The following PAPPA variants were observed in gnomAD, a reference collection of about 807,000 sequenced individuals.
The protein encoded by PAPPA is pappalysin-1.
In PAPPA, 60 loss-of-function variants were observed where a neutral mutation model predicts 164.0. The observed-to-expected ratio is 0.37, with a 90% CI of 0.30 to 0.45. The LOEUF (loss-of-function observed/expected upper bound fraction) is 0.45. Ranked by LOEUF, PAPPA falls within the 20% of genes least tolerant of loss-of-function variation. The probability of loss-of-function intolerance (pLI) is 1.00; values close to 1 mark genes in which losing one functional copy is unlikely to be tolerated. For synonymous variants in PAPPA, 875 were observed against 814.1 expected (o/e 1.07, Z -1.27); for missense variants, 1,782 against 2,087.3 (o/e 0.85, Z 2.85).
In PAPPA at chr9:116,347,531, C is replaced by G. The variant is rs1027322923; in HGVS notation, c.3964+322C>G. On this transcript the variant is annotated intron_variant, in intron 15 of 21. Transcript: ENST00000328252. The surrounding 1 kb of genome is among the most constrained non-coding windows in gnomAD (Gnocchi z 4.5). The stretch of plus-strand genomic sequence containing the variant: ...AAAGAAAAAAAAGTTACATTTGGGA[C>G]TGATGAAACTAATTCACTCTGTATG... Among the ~76,000 whole-genome samples, 1 of 152,128 alleles carries G rather than the reference C, an allele frequency of 6.6e-6. No individual in the cohort carries two copies. The highest frequency in any genetic ancestry group is 2.4e-5 in the African/African-American group (1 of 41,438).
At chr9:116,356,389 G>A (rs1302682458) in intron 17 of PAPPA, among the ~76,000 whole-genome samples, 1 of 152,224 alleles carries the variant, frequency 6.6e-6, no homozygotes, top group East Asian at 1.9e-4. Flanking sequence ...TGCACAACCT[G>A]TGCAATCATA....
chr9:116,321,050 C>T (rs568168446), intron 10 of PAPPA, among the ~76,000 whole-genome samples: 5 of 148,618 alleles, frequency 3.4e-5, no homozygotes, highest in Admixed American at 6.7e-5. Context: ...TTTTTTGAGA[C>T]GGAGTCTCAC....
At chr9:116,302,467 G>T (rs191278206) in intron 9 of PAPPA, among the ~76,000 whole-genome samples, 1 of 151,418 alleles carries the variant, frequency 6.6e-6, no homozygotes, top group South Asian at 2.1e-4. Context: ...TCTATAAGTC[G>T]AATCATGCAG....
At chr9:116,160,585 G>A (rs1253632535) in intron 1 of PAPPA, among the ~76,000 whole-genome samples, 4 of 152,212 alleles carry the variant, frequency 2.6e-5, no homozygotes, top group African/African-American at 9.7e-5. Context: ...ATGAGGAGAA[G>A]AGAAAATCTC....
intron 10 of PAPPA, among the ~76,000 whole-genome samples, chr9:116,321,152 C>T (rs999623360): frequency 1.3e-5 from 2 of 151,982 alleles, no homozygotes; most frequent in South Asian, 2.1e-4. Flanking sequence ...CTCAGCCTCC[C>T]GAGTAGCTGG....
Position 116,398,835 on chromosome 9 carries a change from CA to C in PAPPA, c.*2221del. Reference sequence around the variant, plus strand: ...TATAATTACAAGGACAAATTATTAGCAAGAAATAAGAATAGTATTAGAAGAA... The same window carrying C: ...TATAATTACAAGGACAAATTATTAGCAGAAATAAGAATAGTATTAGAAGAA... On this transcript the variant is annotated 3_prime_UTR_variant, in exon 22 of 22. Coordinates refer to ENST00000328252, the MANE Select transcript of PAPPA (RefSeq NM_002581.5). The C allele has an allele frequency of 2.6e-6, 1 of 377,542 alleles. No homozygotes were observed. Among genetic ancestry groups the C allele is most frequent in the Non-Finnish European group, 5.2e-6 (1 of 191,424 alleles). 23.4% of individuals were successfully genotyped at this position (377,542 alleles called of 1,614,324 possible).
chr9:116,208,798 A>G (rs1844269647), intron 3 of PAPPA, among the ~76,000 whole-genome samples: 2 of 152,088 alleles, frequency 1.3e-5, no homozygotes, highest in Admixed American at 6.5e-5. Flanking sequence ...TCATTTCTCA[A>G]TTGTTTTTTA....
At chr9:116,361,381 A>G (rs1846424931) in intron 17 of PAPPA, among the ~76,000 whole-genome samples, 1 of 152,186 alleles carries the variant, frequency 6.6e-6, no homozygotes, top group Admixed American at 6.5e-5. Flanking sequence ...GGTAAAGTCT[A>G]AACTACTTAA....
chr9:116,362,886 G>A (rs936760059), intron 18 of PAPPA, 147 bp downstream of exon 18: 2 of 737,076 alleles, frequency 2.7e-6, no homozygotes, highest in African/African-American at 3.6e-5. Context: ...TGTAGACCAT[G>A]TCCTCCCAGA....
chr9:116,367,535 G>A, intron 18 of PAPPA, 110 bp from the exon 19 acceptor site: 1 of 750,116 alleles, frequency 1.3e-6, no homozygotes, highest in Non-Finnish European at 2.3e-6. Flanking sequence ...AGGTTGGGTA[G>A]CTGAGTCCAC....
chr9:116,337,605 T>G (rs1220068536), intron 13 of PAPPA, among the ~76,000 whole-genome samples: 2 of 151,732 alleles, frequency 1.3e-5, no homozygotes, highest in African/African-American at 4.8e-5. Context: ...TCCCCTCCCC[T>G]TCTCTCCTCC....
At chr9:116,283,103 A>G (rs998178144) in intron 9 of PAPPA, among the ~76,000 whole-genome samples, 4 of 152,186 alleles carry the variant, frequency 2.6e-5, no homozygotes, top group African/African-American at 9.6e-5. Context: ...TCCAGGCAGC[A>G]GCCATGGTGG....
intron 1 of PAPPA, among the ~76,000 whole-genome samples, chr9:116,170,637 C>T (rs1587937079): frequency 6.7e-6 from 1 of 148,656 alleles, no homozygotes; most frequent in Admixed American, 6.7e-5. Flanking sequence ...CCACTCCCTC[C>T]CTCTCTTCCT....
chr9:116,362,382 C>T (rs1846438956), intron 17 of PAPPA, among the ~76,000 whole-genome samples: 1 of 152,166 alleles, frequency 6.6e-6, no homozygotes, highest in Non-Finnish European at 1.5e-5. Context: ...TCTTCCTGGT[C>T]TGAGTCCTCA....
At chr9:116,240,825 CAAGT>C in intron 7 of PAPPA, among the ~76,000 whole-genome samples, 1 of 152,156 alleles carries the variant, frequency 6.6e-6, no homozygotes. Flanking sequence ...TCTGATTGAA[CAAGT>C]ATGTTTGTTT....
intron 9 of PAPPA, among the ~76,000 whole-genome samples, chr9:116,290,152 A>G (rs534299290): frequency 1.3e-5 from 2 of 152,058 alleles, no homozygotes; most frequent in Admixed American, 1.3e-4. Flanking sequence ...TAATGCTGTC[A>G]TTTTTTTTAA....
At chr9:116,339,324 T>A (rs533703467) in intron 13 of PAPPA, among the ~76,000 whole-genome samples, 1 of 152,160 alleles carries the variant, frequency 6.6e-6, no homozygotes, top group Non-Finnish European at 1.5e-5. Context: ...AGCAAAGCGC[T>A]CTGCTCTTTG....
At chr9:116,266,481 G>A (rs1439259059) in intron 8 of PAPPA, among the ~76,000 whole-genome samples, 1 of 152,172 alleles carries the variant, frequency 6.6e-6, no homozygotes, top group Non-Finnish European at 1.5e-5. Context: ...TATAAAAACA[G>A]TGGAGTATTT....
At chr9:116,229,874 G>A (rs1015137824) in intron 6 of PAPPA, among the ~76,000 whole-genome samples, 1 of 152,296 alleles carries the variant, frequency 6.6e-6, no homozygotes, top group Middle Eastern at 3.4e-3. Flanking sequence ...TACTTGGAAG[G>A]TAGAATTAGC....
Sources: gnomAD v4.1 joint callset for allele counts (sites outside exome capture counted in the v4.1 genomes callset) on GRCh38, gnomAD v4.1.1 for gene constraint, Gnocchi (gnomAD v3.1) non-coding constraint, MANE v1.5 for transcripts, NCBI Gene and HGNC (gene_info 2026-07-23, HGNC 2026-07-21) for gene names.